The following NKAIN3 variants were observed in gnomAD, a reference collection of about 807,000 sequenced individuals.
NKAIN3 encodes the protein sodium/potassium-transporting ATPase subunit beta-1-interacting protein 3.
In NKAIN3, 25 loss-of-function variants were observed where a neutral mutation model predicts 30.2. The ratio of observed to expected loss-of-function variants is 0.83; its 90% CI spans 0.60 to 1.16. The LOEUF (loss-of-function observed/expected upper bound fraction) is 1.16, where lower values mean the gene tolerates loss of function less well. Among genes scored for constraint, NKAIN3 ranks in the 50% most tolerant of loss-of-function variants. The pLI is 0.00. For synonymous variants in NKAIN3, 91 were observed against 89.6 expected (o/e 1.02, Z -0.09); for missense variants, 225 against 254.1 (o/e 0.89, Z 0.78).
intron 2 of NKAIN3, among the ~76,000 whole-genome samples, chr8:62,588,293 C>T (rs1020053806): frequency 6.6e-6 from 1 of 151,806 alleles, no homozygotes; most frequent in Non-Finnish European, 1.5e-5. Flanking sequence ...ACAGCATCAG[C>T]AATACCTGCA....
At chr8:62,813,071 A>T (rs1818543188) in intron 4 of NKAIN3, among the ~76,000 whole-genome samples, 1 of 151,860 alleles carries the variant, frequency 6.6e-6, no homozygotes, top group Non-Finnish European at 1.5e-5. Context: ...AGTGATATCC[A>T]ATTTTCCTGG....
intron 1 of NKAIN3, among the ~76,000 whole-genome samples, chr8:62,309,979 C>G (rs2129588574): frequency 6.7e-6 from 1 of 150,346 alleles, no homozygotes; most frequent in East Asian, 1.9e-4. Context: ...ATTGCATAAA[C>G]CCTGATACAC....
At chr8:62,483,887 A>C (rs1806813540) in intron 1 of NKAIN3, 1 of 170,468 alleles carries the variant, frequency 5.9e-6, no homozygotes, top group African/African-American at 2.4e-5. Flanking sequence ...CTGTAAGTCA[A>C]GCTCCTGCAT....
intron 4 of NKAIN3, among the ~76,000 whole-genome samples, chr8:62,869,251 C>T (rs1447868875): frequency 1.3e-5 from 2 of 152,088 alleles, no homozygotes; most frequent in African/African-American, 2.4e-5. Context: ...CCTATCAACC[C>T]GTCATCTAGG....
In NKAIN3 at chr8:62,971,068, T is replaced by G. The variant is rs533126698; in HGVS notation, c.*5661T>G. On this transcript the variant is annotated 3_prime_UTR_variant, in exon 7 of 7. Transcript: ENST00000623646. ...TTTCCCTAGAGACAAGGACCGAGAC[T>G]CCTCTCATTGCTTCATCCTCTGTGG... 0.01 allele frequency among the ~76,000 whole-genome samples: 789 copies of G among 75,206 alleles called. 10 individuals carry two copies. Among genetic ancestry groups the G allele is most frequent in the African/African-American group, 0.044 (766 of 17,250 alleles). 49.3% of individuals were successfully genotyped at this position (75,206 alleles called of 152,430 possible).
chr8:62,868,341 C>T (rs1563602540), intron 4 of NKAIN3, among the ~76,000 whole-genome samples: 6 of 146,348 alleles, frequency 4.1e-5, no homozygotes, highest in African/African-American at 2.5e-5. Flanking sequence ...AGTTCATTTC[C>T]TTTTTTTTTT....
At chr8:62,303,915 A>G (rs1343930392) in intron 1 of NKAIN3, among the ~76,000 whole-genome samples, 4 of 150,636 alleles carry the variant, frequency 2.7e-5, no homozygotes, top group Admixed American at 2.6e-4. Flanking sequence ...CTAAGGAAGT[A>G]TTTGATAATC....
At chr8:62,579,810 TG>T (rs557614942) in intron 2 of NKAIN3, 134 bp downstream of exon 2, 534 of 454,278 alleles carry the variant, frequency 1.2e-3, no homozygotes, top group South Asian at 2.2e-3. Flanking sequence ...TGTTAAATTT[TG>T]TTAAGAAGTG....
intron 4 of NKAIN3, among the ~76,000 whole-genome samples, chr8:62,869,917 T>C (rs945987856): frequency 1.2e-4 from 19 of 152,096 alleles, no homozygotes; most frequent in African/African-American, 3.9e-4. Flanking sequence ...CTACAGGCAC[T>C]CGCCACCACG....
intron 4 of NKAIN3, among the ~76,000 whole-genome samples, chr8:62,806,203 G>C (rs971989217): frequency 2.6e-5 from 4 of 152,208 alleles, no homozygotes; most frequent in Non-Finnish European, 5.9e-5. Flanking sequence ...TACACTGTTG[G>C]TGGGACTGTA....
intron 1 of NKAIN3, among the ~76,000 whole-genome samples, chr8:62,540,615 C>T (rs1023740119): frequency 6.6e-6 from 1 of 152,064 alleles, no homozygotes; most frequent in Non-Finnish European, 1.5e-5. Context: ...TTTCTCAGAA[C>T]CCTCTGGCTT....
chr8:62,594,147 C>A (rs1810747849), intron 3 of NKAIN3, among the ~76,000 whole-genome samples: 1 of 151,890 alleles, frequency 6.6e-6, no homozygotes, highest in Non-Finnish European at 1.5e-5. Flanking sequence ...AAAAAAAGGT[C>A]AGGGTGGAGG....
At chr8:62,875,113 C>A (rs933508166) in intron 4 of NKAIN3, among the ~76,000 whole-genome samples, 1 of 152,140 alleles carries the variant, frequency 6.6e-6, no homozygotes, top group Non-Finnish European at 1.5e-5. Context: ...AACTGATAAG[C>A]AACTTCAACA....
chr8:62,803,183 C>A (rs1234591205), intron 4 of NKAIN3, among the ~76,000 whole-genome samples: 1 of 152,164 alleles, frequency 6.6e-6, no homozygotes, highest in Non-Finnish European at 1.5e-5. Flanking sequence ...TAACACCCCA[C>A]TGTCAACATT....
At chr8:62,454,299 T>G (rs1360607992) in intron 1 of NKAIN3, among the ~76,000 whole-genome samples, 13 of 28,258 alleles carry the variant, frequency 4.6e-4, no homozygotes, top group African/African-American at 1.1e-3. Flanking sequence ...ATAGCTGATG[T>G]GCAAAAAAAA....
intron 1 of NKAIN3, among the ~76,000 whole-genome samples, chr8:62,516,556 A>G (rs1807991014): frequency 1.3e-5 from 2 of 152,226 alleles, no homozygotes; most frequent in Admixed American, 6.5e-5. Flanking sequence ...GTTGTTTGGT[A>G]TTGTATCAAA....
intron 1 of NKAIN3, among the ~76,000 whole-genome samples, chr8:62,415,706 C>T (rs1804422216): frequency 6.6e-6 from 1 of 151,038 alleles, no homozygotes; most frequent in African/African-American, 2.4e-5. Context: ...ACTACTTCTT[C>T]CTTTTGCAGG....
At chr8:62,592,576 C>T (rs960147302) in intron 3 of NKAIN3, among the ~76,000 whole-genome samples, 7 of 151,790 alleles carry the variant, frequency 4.6e-5, no homozygotes, top group South Asian at 2.1e-4. Flanking sequence ...AAACAAATAA[C>T]GATATGGTAG....
chr8:62,789,125 G>T (rs1350178145), intron 4 of NKAIN3, among the ~76,000 whole-genome samples: 1 of 152,086 alleles, frequency 6.6e-6, no homozygotes, highest in Non-Finnish European at 1.5e-5. Flanking sequence ...ACCTTGGGCA[G>T]TATGGCCATT....
Sources: allele counts gnomAD v4.1 joint callset (sites outside exome capture counted in the v4.1 genomes callset), GRCh38; gene constraint gnomAD v4.1.1; transcripts MANE v1.5; gene names NCBI Gene and HGNC (gene_info 2026-07-23, HGNC 2026-07-21).